The following GSE1 variants were observed in gnomAD, a reference collection of about 807,000 sequenced individuals.
The protein encoded by GSE1 is genetic suppressor element 1.
In GSE1, 32 loss-of-function variants were observed where a neutral mutation model predicts 112.6. That is an observed-to-expected ratio of 0.28 (90% CI 0.21 to 0.38). GSE1 has a LOEUF of 0.38. GSE1 is among the 10% of genes least tolerant of loss of function. The pLI, the probability that GSE1 is intolerant of heterozygous loss-of-function variation, is 1.00. For synonymous variants in GSE1, 1,115 were observed against 735.6 expected (o/e 1.52, Z -8.35); for missense variants, 2,348 against 1,699.2 (o/e 1.38, Z -6.71).
chr16:85,170,129 G>A (rs2074335016), exon 1 of GSE1: 5 of 985,236 alleles, frequency 5.1e-6, no homozygotes, highest in African/African-American at 1.7e-5. Flanking sequence ...GGGGCCCCAG[G>A]GCCAGGGCCT....
At chr16:85,233,115 A>G (rs1171162424) in intron 1 of GSE1, among the ~76,000 whole-genome samples, 1 of 152,222 alleles carries the variant, frequency 6.6e-6, no homozygotes, top group African/African-American at 2.4e-5. Context: ...TGTCCTCTTG[A>G]ATGAAATGCA....
intron 2 of GSE1, among the ~76,000 whole-genome samples, chr16:85,362,187 C>G (rs1277860808): frequency 3.3e-5 from 5 of 152,240 alleles, no homozygotes; most frequent in African/African-American, 7.2e-5. Context: ...GAGAAGGGTG[C>G]AACCGAAACC....
intron 1 of GSE1, among the ~76,000 whole-genome samples, chr16:85,175,704 G>A (rs1186251697): frequency 2.0e-5 from 3 of 152,206 alleles, no homozygotes; most frequent in Non-Finnish European, 4.4e-5. Context: ...GGATGTTGGG[G>A]GCGGCATTTG....
chr16:85,648,232 C>G (rs1194911053), intron 2 of GSE1, among the ~76,000 whole-genome samples: 1 of 152,168 alleles, frequency 6.6e-6, no homozygotes, highest in Admixed American at 6.5e-5. Flanking sequence ...TGGTCCTGCC[C>G]GCCCTGCCCA....
At chr16:85,235,428 CTGTGTGTGTGTGTGTG>C (rs60860144) in intron 1 of GSE1, among the ~76,000 whole-genome samples, 176 of 126,398 alleles carry the variant, frequency 1.4e-3, no homozygotes, top group South Asian at 4.9e-3. Context: ...TGGAAGGGTA[CTGTGTGTGTGTGTGTG>C]TGTGTGTGTG....
chr16:85,329,754 G>T lies in GSE1; in HGVS notation c.2284-27709G>T, dbSNP rs533340333. Among the ~76,000 whole-genome samples the T allele has an allele frequency of 1.8e-4, 27 of 151,544 alleles. 1 individual carries two copies. In the South Asian group the frequency reaches 5.2e-3, roughly 29 times the overall value. On this transcript the variant is annotated intron_variant, in intron 1 of 2. Transcript: ENST00000637419. ...ACACCAGGCGCTTCCTTTCAGAGCCGCACCTGCTAATTAGAGGGCAAGGAA... is the reference window on the plus strand; with the variant it reads ...ACACCAGGCGCTTCCTTTCAGAGCCTCACCTGCTAATTAGAGGGCAAGGAA...
intron 2 of GSE1, among the ~76,000 whole-genome samples, chr16:85,500,202 G>C (rs1295424257): frequency 6.6e-6 from 1 of 152,330 alleles, no homozygotes; most frequent in Non-Finnish European, 1.5e-5. Context: ...TCTGGAAAAG[G>C]TTTGTTCTTT....
chr16:85,602,674 G>A (rs112432240), intron 1 of GSE1, among the ~76,000 whole-genome samples: 3,497 of 152,314 alleles, frequency 0.023, 54 homozygotes, highest in Middle Eastern at 0.044. Context: ...GATGGACCAC[G>A]AAGCCAGAGG....
chr16:85,339,664 G>A (rs1436352013), intron 1 of GSE1, among the ~76,000 whole-genome samples: 1 of 145,228 alleles, frequency 6.9e-6, no homozygotes, highest in African/African-American at 2.5e-5. Flanking sequence ...GGGGGTGGGG[G>A]CGGTTCTTTT....
At chr16:85,644,442 G>A (rs2050690927) in intron 2 of GSE1, among the ~76,000 whole-genome samples, 1 of 152,188 alleles carries the variant, frequency 6.6e-6, no homozygotes, top group Non-Finnish European at 1.5e-5. Flanking sequence ...GGACCAGTAA[G>A]GAGTGGGTGG....
At chr16:85,203,811 C>G (rs900672491) in intron 1 of GSE1, among the ~76,000 whole-genome samples, 1 of 152,192 alleles carries the variant, frequency 6.6e-6, no homozygotes, top group Non-Finnish European at 1.5e-5. Flanking sequence ...GATCTCAGCT[C>G]ACTGTAGCCT....
At chr16:85,185,956 TG>T (rs1476073133) in intron 1 of GSE1, among the ~76,000 whole-genome samples, 1 of 152,102 alleles carries the variant, frequency 6.6e-6, no homozygotes, top group African/African-American at 2.4e-5. Context: ...AGCAGGGTGA[TG>T]GGTGGGTTCG....
intron 1 of GSE1, among the ~76,000 whole-genome samples, chr16:85,605,947 C>T (rs1395105193): frequency 6.6e-6 from 1 of 152,128 alleles, no homozygotes; most frequent in African/African-American, 2.4e-5. Context: ...GACCCTGCTC[C>T]CCTCTGATTG....
intron 2 of GSE1, among the ~76,000 whole-genome samples, chr16:85,374,418 T>C (rs2047372050): frequency 6.6e-6 from 1 of 151,914 alleles, no homozygotes; most frequent in Non-Finnish European, 1.5e-5. Flanking sequence ...GTGTGCAGTG[T>C]GTGTCAGTGT....
intron 2 of GSE1, among the ~76,000 whole-genome samples, chr16:85,464,238 C>T (rs977359923): frequency 1.3e-5 from 2 of 151,906 alleles, no homozygotes; most frequent in African/African-American, 2.4e-5. Flanking sequence ...GGAGAGGTCG[C>T]GAACGGTTGA....
chr16:85,226,325 T>C (rs1183177906), intron 1 of GSE1, among the ~76,000 whole-genome samples: 1 of 152,244 alleles, frequency 6.6e-6, no homozygotes, highest in Non-Finnish European at 1.5e-5. Flanking sequence ...TGCCATTTTA[T>C]GATAGTCATC....
intron 1 of GSE1, chr16:85,207,729 G>C (rs934981837): frequency 6.6e-6 from 1 of 152,266 alleles, no homozygotes; most frequent in African/African-American, 2.4e-5. Context: ...CTCGCCTGTA[G>C]AATGAGCGGA....
At chr16:85,492,907 C>G (rs1273518530) in intron 2 of GSE1, among the ~76,000 whole-genome samples, 1 of 152,168 alleles carries the variant, frequency 6.6e-6, no homozygotes, top group Non-Finnish European at 1.5e-5. Flanking sequence ...GGTAGACACC[C>G]CTGCCCTGGA....
At chr16:85,377,944 T>C (rs1344030713) in intron 2 of GSE1, among the ~76,000 whole-genome samples, 1 of 152,202 alleles carries the variant, frequency 6.6e-6, no homozygotes, top group Non-Finnish European at 1.5e-5. Flanking sequence ...CTCTCAGCCT[T>C]ATCTTGGCCT....
Sources: allele counts gnomAD v4.1 joint callset (sites outside exome capture counted in the v4.1 genomes callset), GRCh38; gene constraint gnomAD v4.1.1; transcripts MANE v1.5; gene names NCBI Gene and HGNC (gene_info 2026-07-23, HGNC 2026-07-21).